FBXO43: variants seen among roughly 807,000 people sequenced by gnomAD.
The protein encoded by FBXO43 is F-box only protein 43.
Under a neutral mutation model 56.7 loss-of-function variants are expected in FBXO43, and 22 were observed. That is an observed-to-expected ratio of 0.39 (90% CI 0.28 to 0.55). The LOEUF is 0.55. Ranked by LOEUF, FBXO43 falls within the 20% of genes least tolerant of loss-of-function variation. FBXO43 has a pLI of 0.66. For synonymous variants in FBXO43, 306 were observed against 294.5 expected (o/e 1.04, Z -0.40); for missense variants, 733 against 814.9 (o/e 0.90, Z 1.22).
intron 2 of FBXO43, among the ~76,000 whole-genome samples, chr8:100,137,958 C>A (rs1189454650): frequency 6.6e-6 from 1 of 152,094 alleles, no homozygotes; most frequent in East Asian, 1.9e-4. Flanking sequence ...GATTTAACTT[C>A]AAATGTAACA....
At position 100,142,147 on chromosome 8, in the gene FBXO43, G is replaced by A. The variant is rs751533209; in HGVS notation, c.107C>T (p.Ser36Leu). The stretch of plus-strand genomic sequence containing the variant: ...GCCAGCTTGACCTGAGTGCCTTTGC[G>A]ACATCTTCAAAATCTCTGTTTCTGC... ...FTDETEILKM[S>L]QRHSGQAGTE... The change falls in exon 2 of 5, where the codon TCG becomes TTG. Residue 36 changes from serine (S) to leucine (L), a missense_variant. Physicochemically the swap from Ser to Leu is moderately radical, Grantham distance 145 (BLOSUM62 -2). Transcript: ENST00000428847. 18 of 1,564,660 alleles carry A rather than the reference G, an allele frequency of 1.2e-5. No homozygotes were observed. Among genetic ancestry groups the A allele is most frequent in the Admixed American group, 2.0e-5 (1 of 49,626 alleles).
chr8:100,133,982 G>A lies in FBXO43; in HGVS notation c.1947C>T (p.Tyr649=). 2 of 1,614,138 alleles carry A rather than the reference G, an allele frequency of 1.2e-6. No homozygotes were observed. Among genetic ancestry groups the A allele is most frequent in the Admixed American group, 1.7e-5 (1 of 60,020 alleles). Residue 649 remains tyrosine, a synonymous_variant, in exon 5 of 5, where the codon TAC becomes TAT. Transcript: ENST00000428847. ...ACAGTCCCCTTTTCTTATATGGCTG[G>A]TACTTAGCAGGGGACTGGCACCTTG... ...PCPRCQSPAK[Y]QPYKKRGLCS...
rs751916387 is a variant in FBXO43, at chr8:100,133,908, G to A, written c.2021C>T (p.Ala674Val). 1.2e-6 allele frequency: 2 copies of A among 1,614,034 alleles called. No individual in the cohort carries two copies. The highest frequency in any genetic ancestry group is 1.1e-5 in the South Asian group (1 of 91,076). The change falls in exon 5 of 5, where the codon GCT becomes GTT. Residue 674 changes from alanine to valine, a missense_variant. Ala to Val is a moderately conservative substitution (Grantham distance 64). Coordinates refer to ENST00000428847, the MANE Select transcript of FBXO43 (RefSeq NM_001029860.4). Reference protein sequence around the residue: ...GFDFCVLCLCAYHGSEECSRG... With the variant: ...GFDFCVLCLCVYHGSEECSRG... ...ACTACATTCTTCAGACCCATGATAA[G>A]CACACAGACATAACACACAAAAGTC...
Position 100,141,130 on chromosome 8 carries a change from G to A in FBXO43, c.1124C>T (p.Thr375Ile). The change falls in exon 2 of 5, where the codon ACA becomes ATA. Residue 375 changes from threonine to isoleucine, a missense_variant. By Grantham distance (89) the Thr-to-Ile change is moderately conservative (BLOSUM62 -1). Coordinates refer to ENST00000428847, the MANE Select transcript of FBXO43 (RefSeq NM_001029860.4). Reference protein sequence around the residue: ...TPKVGDTIRKTRHLGRSRRLS... With the variant: ...TPKVGDTIRKIRHLGRSRRLS... ...TCTTCTCGACCTTCCAAGATGTCTT[G>A]TCTTTCTTATGGTGTCCCCAACTTT... The A allele has an allele frequency of 6.2e-7, 1 of 1,614,140 alleles. No homozygotes were observed. Among genetic ancestry groups the A allele is most frequent in the Non-Finnish European group, 8.5e-7 (1 of 1,180,028 alleles).
At chr8:100,139,598 G>A (rs1263131057) in intron 2 of FBXO43, among the ~76,000 whole-genome samples, 2 of 152,146 alleles carry the variant, frequency 1.3e-5, no homozygotes, top group African/African-American at 4.8e-5. Flanking sequence ...GCATTCCCAT[G>A]GGTCTTGTCT....
chr8:100,138,505 A>T (rs1814542234), intron 2 of FBXO43, among the ~76,000 whole-genome samples: 2 of 152,226 alleles, frequency 1.3e-5, no homozygotes, highest in Non-Finnish European at 2.9e-5. Context: ...ATGGGGAAGA[A>T]ATGAACTACA....
chr8:100,134,915 AAAG>A (rs916633440), intron 3 of FBXO43, among the ~76,000 whole-genome samples: 1 of 152,214 alleles, frequency 6.6e-6, no homozygotes, highest in African/African-American at 2.4e-5. Context: ...TCTCTGAGGA[AAAG>A]AAGGAACAGG....
upstream of FBXO43, among the ~76,000 whole-genome samples, chr8:100,148,938 A>G (rs1418522086): frequency 1.3e-5 from 2 of 152,244 alleles, no homozygotes; most frequent in Non-Finnish European, 2.9e-5. Flanking sequence ...AGCAACTTGC[A>G]TCTCCATAAC....
At chr8:100,146,674 A>G (rs1371831122), upstream of FBXO43, among the ~76,000 whole-genome samples, 3 of 151,720 alleles carry the variant, frequency 2.0e-5, no homozygotes, top group African/African-American at 7.3e-5. Context: ...TCCTTGGCCT[A>G]CTCCCTAAAT....
At chr8:100,143,708 G>A (rs1018320392) in intron 1 of FBXO43, among the ~76,000 whole-genome samples, 10 of 152,148 alleles carry the variant, frequency 6.6e-5, no homozygotes, top group Non-Finnish European at 2.9e-5. Flanking sequence ...CCTCTCTGAA[G>A]GTAATTCTGT....
chr8:100,140,820 C>A lies in FBXO43; in HGVS notation c.1434G>T (p.Leu478=), dbSNP rs546079081. 11 of 1,614,246 alleles carry A rather than the reference C, an allele frequency of 6.8e-6. No homozygotes were observed. The East Asian group carries it at 8.9e-5, about 13-fold the overall frequency. The change falls in exon 2 of 5, where the codon CTG becomes CTT. Residue 478 remains leucine (L), a synonymous_variant. Coordinates refer to ENST00000428847, the MANE Select transcript of FBXO43 (RefSeq NM_001029860.4). ...EQGDGEKIAV[L]QCILAGLIGK... ...CGATCAGTCCTGCAAGTATACACTGCAGTACAGCTATTTTCTCCCCATCCC... is the reference window on the plus strand; with the variant it reads ...CGATCAGTCCTGCAAGTATACACTGAAGTACAGCTATTTTCTCCCCATCCC...
chr8:100,134,500 G>GAA, intron 3 of FBXO43, 136 bp from the exon 4 acceptor site: 3 of 508,832 alleles, frequency 5.9e-6, no homozygotes, highest in Non-Finnish European at 9.4e-6. Context: ...TTCCTTTTCA[G>GAA]AAAAAAAAAC....
intron 3 of FBXO43, 38 bp downstream of exon 3, chr8:100,137,527 T>C: frequency 7.4e-7 from 1 of 1,359,838 alleles, no homozygotes; most frequent in East Asian, 2.3e-5. Context: ...ATTATGTATT[T>C]ATACAAATCC....
At chr8:100,144,857 G>A (rs1307482761) in intron 1 of FBXO43, 194 bp downstream of exon 1, 3 of 467,868 alleles carry the variant, frequency 6.4e-6, no homozygotes, top group African/African-American at 4.1e-5. Flanking sequence ...GCGTGAACCC[G>A]GGAGGTGGAG....
chr8:100,143,689 T>C (rs1303964641), intron 1 of FBXO43, among the ~76,000 whole-genome samples: 1 of 152,260 alleles, frequency 6.6e-6, no homozygotes, highest in Admixed American at 6.5e-5. Flanking sequence ...ACCCATGAAC[T>C]GTTTTCTCCC....
At chr8:100,140,613 C>T (rs1372819856) in intron 2 of FBXO43, 70 bp downstream of exon 2, 20 of 1,240,490 alleles carry the variant, frequency 1.6e-5, no homozygotes, top group Non-Finnish European at 2.2e-5. Flanking sequence ...AGGACAACCA[C>T]TCAAGTCACA....
rs1035214037 is a variant in FBXO43 at position 100,141,977 on chromosome 8, A to G, written c.277T>C (p.Tyr93His). Reference sequence around the variant, plus strand: ...GGGCCTTTTTCTTTCTTTCCAAGATATTCTTTATCTATATTATCAAAGCTA... The same window carrying G: ...GGGCCTTTTTCTTTCTTTCCAAGATGTTCTTTATCTATATTATCAAAGCTA... ...SCSFDNIDKEYLGKKEKGPTL... is the reference protein window; with the variant it reads ...SCSFDNIDKEHLGKKEKGPTL... The change falls in exon 2 of 5, where the codon TAT (tyrosine) becomes CAT (histidine). Residue 93 changes from tyrosine to histidine, a missense_variant. Tyr to His is a moderately conservative substitution (Grantham distance 83). Coordinates refer to ENST00000428847, the MANE Select transcript of FBXO43 (RefSeq NM_001029860.4). 6.2e-7 allele frequency: 1 copy of G among 1,608,932 alleles called. No homozygotes were observed. Among genetic ancestry groups the G allele is most frequent in the Non-Finnish European group, 8.5e-7 (1 of 1,178,374 alleles).
In FBXO43 at chr8:100,134,820, T is replaced by C. The variant is rs969383742; in HGVS notation, c.1675-456A>G. ...ACTTTCTTTTATAATTTTTTTTGTT[T>C]TGGTTAATAATACATTAGAATAGTT... is the stretch of plus-strand genomic sequence containing the variant. On this transcript the variant is annotated intron_variant, in intron 3 of 4. Transcript: ENST00000428847. 7.2e-5 allele frequency among the ~76,000 whole-genome samples: 11 copies of C among 152,268 alleles called. No homozygotes were observed. In the South Asian group the frequency reaches 8.3e-4, roughly 11 times the overall value.
chr8:100,145,266 A>G lies in FBXO43; in HGVS notation c.-131T>C. The G allele has an allele frequency of 1.8e-6, 1 of 565,556 alleles. No homozygotes were observed. The highest frequency in any genetic ancestry group is 3.0e-6 in the Non-Finnish European group (1 of 337,146). 35.0% of individuals were successfully genotyped at this position (565,556 alleles called of 1,614,324 possible). A position where few individuals can be genotyped will look rare whatever the true frequency, so the allele number is the denominator to read the frequency against. ...CCGCAGGGATTATTCCTAACACTTG[A>G]GAAGGTCTAAATCATTTTGAATTTC... On this transcript the variant is annotated 5_prime_UTR_variant, in exon 1 of 5. Coordinates refer to ENST00000428847, the MANE Select transcript of FBXO43 (RefSeq NM_001029860.4).
Sources: allele counts gnomAD v4.1 joint callset (sites outside exome capture counted in the v4.1 genomes callset), GRCh38; gene constraint gnomAD v4.1.1; transcripts MANE v1.5; gene names NCBI Gene and HGNC (gene_info 2026-07-23, HGNC 2026-07-21).